Variants in TLK2 observed in about 807,000 individuals in gnomAD.
TLK2 encodes the protein tousled like kinase 2.
A neutral mutation model predicts 117.3 loss-of-function variants in TLK2; 6 were observed. That is an observed-to-expected ratio of 0.05 (90% CI 0.03 to 0.10). TLK2 has a LOEUF of 0.10. Ranked by LOEUF, TLK2 falls within the 10% of genes least tolerant of loss-of-function variation. The pLI, the probability that TLK2 is intolerant of heterozygous loss-of-function variation, is 1.00. For missense variants in TLK2, 299 were observed against 901.2 expected (o/e 0.33, Z 8.56); for synonymous variants, 257 against 316.7 (o/e 0.81, Z 2.00).
intron 2 of TLK2, among the ~76,000 whole-genome samples, chr17:62,503,620 TG>T (rs1367055411): frequency 1.3e-5 from 2 of 152,006 alleles, no homozygotes; most frequent in African/African-American, 2.4e-5. Flanking sequence ...GGTTTTGCCA[TG>T]TTGGCCAGGC....
At chr17:62,612,074 AT>A (rs951439238) in intron 21 of TLK2, 2,150 of 177,122 alleles carry the variant, frequency 0.012, no homozygotes, top group East Asian at 0.022. Flanking sequence ...ACAAAGAGAG[AT>A]TTTTTTTTTT....
rs1430162816 is a variant in TLK2 at position 62,504,568 on chromosome 17, C to G, written c.82-16205C>G. Among the ~76,000 whole-genome samples the G allele has an allele frequency of 4.6e-5, 7 of 152,204 alleles. No individual in the cohort carries two copies. In the East Asian group the frequency reaches 1.4e-3, roughly 29 times the overall value. On this transcript the variant is annotated intron_variant, in intron 2 of 21. Coordinates refer to ENST00000346027, the MANE Select transcript of TLK2 (RefSeq NM_006852.6). ...CCTATAATCTGTGCACTTTGGGAGG[C>G]CAAGGTGGGTGGATCTGTAGAGCCC...
intron 2 of TLK2, chr17:62,508,543 T>A (rs2074898642): frequency 1.0e-6 from 1 of 985,186 alleles, no homozygotes; most frequent in Admixed American, 6.2e-5. Context: ...GTACATCGGA[T>A]ATAACAAAAG....
At chr17:62,575,162 A>G (rs2080680215) in intron 12 of TLK2, among the ~76,000 whole-genome samples, 3 of 152,190 alleles carry the variant, frequency 2.0e-5, no homozygotes, top group Non-Finnish European at 4.4e-5. Flanking sequence ...TAGGCTAGTA[A>G]TGTGTAAGCA....
At chr17:62,490,509 C>G (rs1351151515) in intron 2 of TLK2, among the ~76,000 whole-genome samples, 2 of 152,094 alleles carry the variant, frequency 1.3e-5, no homozygotes, top group African/African-American at 2.4e-5. Flanking sequence ...ACTCCCAGGC[C>G]TCTTAAATTA....
intron 15 of TLK2, among the ~76,000 whole-genome samples, chr17:62,581,000 A>G (rs577900205): frequency 4.7e-4 from 71 of 152,098 alleles, no homozygotes; most frequent in Non-Finnish European, 9.1e-4. Flanking sequence ...AATTTTTTTT[A>G]AATTGTGGTT....
chr17:62,606,403 GC>G (rs1230747614), intron 20 of TLK2, among the ~76,000 whole-genome samples, 162 bp downstream of exon 20: 1 of 152,196 alleles, frequency 6.6e-6, no homozygotes, highest in Non-Finnish European at 1.5e-5. Flanking sequence ...AATAATACAA[GC>G]CTTATTCGTA....
chr17:62,504,498 C>G (rs2074493170), intron 2 of TLK2, among the ~76,000 whole-genome samples: 1 of 152,018 alleles, frequency 6.6e-6, no homozygotes, highest in Admixed American at 6.6e-5. Flanking sequence ...GGAGGAAATG[C>G]AAGTAAATGA....
At chr17:62,504,851 T>G (rs143533077) in intron 2 of TLK2, among the ~76,000 whole-genome samples, 1 of 152,232 alleles carries the variant, frequency 6.6e-6, no homozygotes, top group Non-Finnish European at 1.5e-5. Context: ...TCTATTTTAT[T>G]ATTTATTTAT....
chr17:62,509,830 G>A (rs1250959333), intron 2 of TLK2, among the ~76,000 whole-genome samples: 1 of 152,164 alleles, frequency 6.6e-6, no homozygotes, highest in Non-Finnish European at 1.5e-5. Context: ...TACTTTGTGA[G>A]GATGTAGGAT....
chr17:62,563,147 A>G (rs1372150413), intron 10 of TLK2, among the ~76,000 whole-genome samples: 3 of 152,262 alleles, frequency 2.0e-5, no homozygotes, highest in Non-Finnish European at 4.4e-5. Flanking sequence ...TCATAATAGA[A>G]CAGCTTGCAT....
intron 16 of TLK2, among the ~76,000 whole-genome samples, chr17:62,595,228 G>A (rs1051458463): frequency 1.3e-5 from 2 of 150,930 alleles, no homozygotes; most frequent in East Asian, 3.9e-4. Flanking sequence ...TGATCCACCC[G>A]CCTTGGCCTC....
At chr17:62,586,648 C>T (rs1447956941) in intron 16 of TLK2, among the ~76,000 whole-genome samples, 2 of 151,964 alleles carry the variant, frequency 1.3e-5, no homozygotes, top group African/African-American at 2.4e-5. Context: ...GGTGAAACCC[C>T]GTCTCTACTA....
At chr17:62,572,917 CAG>C (rs2080428448) in intron 11 of TLK2, 1 of 229,808 alleles carries the variant, frequency 4.4e-6, no homozygotes, top group African/African-American at 2.3e-5. Context: ...AAAAAGGAAT[CAG>C]AAAATTGTTC....
intron 16 of TLK2, among the ~76,000 whole-genome samples, chr17:62,587,505 C>A (rs1403986497): frequency 6.6e-6 from 1 of 152,138 alleles, no homozygotes; most frequent in Non-Finnish European, 1.5e-5. Context: ...GGCTTCTAGC[C>A]TGGTCCAAGG....
intron 16 of TLK2, among the ~76,000 whole-genome samples, chr17:62,588,855 C>G (rs556819004): frequency 1.3e-5 from 2 of 152,226 alleles, no homozygotes; most frequent in African/African-American, 4.8e-5. Flanking sequence ...AAGCACATAA[C>G]GGACATTGAT....
At chr17:62,535,362 A>G (rs1175529414) in intron 6 of TLK2, among the ~76,000 whole-genome samples, 1 of 152,182 alleles carries the variant, frequency 6.6e-6, no homozygotes, top group Non-Finnish European at 1.5e-5. Context: ...GTGATGTATT[A>G]TCCTTTTAGT....
intron 1 of TLK2, among the ~76,000 whole-genome samples, chr17:62,479,496 G>A (rs1228672863): frequency 6.6e-6 from 1 of 152,084 alleles, no homozygotes; most frequent in Non-Finnish European, 1.5e-5. Context: ...GGCCCAGGCG[G>A]CCCCGGCCTG....
chr17:62,493,978 GCCATAGGATAGACTT>G, intron 2 of TLK2, among the ~76,000 whole-genome samples: 1 of 152,218 alleles, frequency 6.6e-6, no homozygotes. Context: ...ACTACGCCCA[GCCATAGGATAGACTT>G]TCATGTTAGT....
Sources: gnomAD v4.1 joint callset for allele counts (sites outside exome capture counted in the v4.1 genomes callset) on GRCh38, gnomAD v4.1.1 for gene constraint, MANE v1.5 for transcripts, NCBI Gene and HGNC (gene_info 2026-07-23, HGNC 2026-07-21) for gene names.